FRYL: variants seen among roughly 807,000 people sequenced by gnomAD.
The protein encoded by FRYL is FRY like transcription coactivator.
FRYL carries 150 observed loss-of-function variants against 351.2 expected under a neutral mutation model. The ratio of observed to expected loss-of-function variants is 0.43; its 90% CI spans 0.37 to 0.49. FRYL has a LOEUF of 0.49. FRYL is among the 20% of genes least tolerant of loss of function. FRYL has a pLI of 0.00. For synonymous variants in FRYL, 1,153 were observed against 1,257.1 expected (o/e 0.92, Z 1.75); for missense variants, 3,036 against 3,619.3 (o/e 0.84, Z 4.13).
At position 48,547,773 on chromosome 4, in the gene FRYL, A is replaced by C; in HGVS notation, c.4889-4T>G. The C allele has an allele frequency of 2.7e-6, 4 of 1,464,424 alleles. No homozygotes were observed. In the African/African-American group the frequency reaches 5.6e-5, roughly 20 times the overall value. The allele number at this position is 1,464,424 out of a possible 1,614,324, so 90.7% of individuals were successfully genotyped here. ...TCAGGGTGGCAGTGGTCAAACCCTA[A>C]AAAGGATAGTAGAGAAACATTATCA... is the stretch of plus-strand genomic sequence containing the variant. On this transcript the variant is annotated splice_region_variant and splice_polypyrimidine_tract_variant and intron_variant, in intron 40 of 63. Coordinates refer to ENST00000358350, the MANE Select transcript of FRYL (RefSeq NM_015030.2).
chr4:48,738,507 T>C (rs1235872443), intron 1 of FRYL, among the ~76,000 whole-genome samples: 1 of 152,130 alleles, frequency 6.6e-6, no homozygotes, highest in Non-Finnish European at 1.5e-5. Flanking sequence ...GTTGTTGTTG[T>C]TGTTTCAAAG....
At chr4:48,538,558 C>T (rs1419300351) in intron 47 of FRYL, among the ~76,000 whole-genome samples, 1 of 152,072 alleles carries the variant, frequency 6.6e-6, no homozygotes, top group Admixed American at 6.6e-5. Context: ...CAATCTGGGC[C>T]ATGGAAAGGT....
intron 62 of FRYL, among the ~76,000 whole-genome samples, chr4:48,501,265 A>T (rs1220223221): frequency 1.3e-5 from 2 of 152,100 alleles, no homozygotes; most frequent in Non-Finnish European, 2.9e-5. Flanking sequence ...ATCACAGCTC[A>T]CTACAGCTTC....
At chr4:48,698,976 C>T (rs976697439) in intron 2 of FRYL, among the ~76,000 whole-genome samples, 1 of 152,050 alleles carries the variant, frequency 6.6e-6, no homozygotes, top group East Asian at 1.9e-4. Context: ...GACTAATTAC[C>T]GAGAGCCTAC....
intron 27 of FRYL, among the ~76,000 whole-genome samples, chr4:48,570,422 T>C (rs10805172): frequency 0.98 from 149,858 of 152,310 alleles, 73,759 homozygotes; most frequent in East Asian, 1. Context: ...ATTTGTAAGC[T>C]TTACAATGTT....
intron 1 of FRYL, among the ~76,000 whole-genome samples, chr4:48,718,916 C>T (rs772766571): frequency 2.0e-5 from 3 of 151,456 alleles, no homozygotes; most frequent in Admixed American, 6.6e-5. Flanking sequence ...TTTCCACTTA[C>T]ATTTGTGCTT....
At chr4:48,681,989 C>T (rs1218145827) in intron 3 of FRYL, among the ~76,000 whole-genome samples, 3 of 152,126 alleles carry the variant, frequency 2.0e-5, no homozygotes, top group Non-Finnish European at 4.4e-5. Flanking sequence ...ACTTTGAAAA[C>T]TGAAAGTTCT....
At chr4:48,680,995 A>G in intron 3 of FRYL, 1 of 1,280,928 alleles carries the variant, frequency 7.8e-7, no homozygotes, top group Non-Finnish European at 1.0e-6. Context: ...TTGCTCATCC[A>G]CCGTCTTCTC....
intron 1 of FRYL, among the ~76,000 whole-genome samples, chr4:48,769,445 A>C (rs1775298554): frequency 2.6e-5 from 4 of 152,262 alleles, no homozygotes; most frequent in Non-Finnish European, 5.9e-5. Flanking sequence ...GAGAGGATAT[A>C]GAGAAACTTT....
At chr4:48,691,629 A>G (rs1578737953) in intron 2 of FRYL, among the ~76,000 whole-genome samples, 2 of 152,200 alleles carry the variant, frequency 1.3e-5, no homozygotes, top group African/African-American at 4.8e-5. Context: ...CACAGTAAGT[A>G]CTCAATAATG....
chr4:48,626,945 G>C lies in FRYL; in HGVS notation c.121-3766C>G, dbSNP rs185038628. Among the ~76,000 whole-genome samples, 50 of 152,182 alleles carry C rather than the reference G, an allele frequency of 3.3e-4. No homozygotes were observed. In the East Asian group the frequency reaches 9.1e-3, roughly 28 times the overall value. On this transcript the variant is annotated intron_variant, in intron 4 of 63. Transcript: ENST00000358350. ...CTTTCTTAATAAGGTGAGATTTGGG[G>C]AACGTCTTTAGTACTCGGGTCTCTG...
intron 55 of FRYL, 83 bp from the exon 56 acceptor site, chr4:48,515,358 T>C (rs1416224796): frequency 9.8e-7 from 1 of 1,022,100 alleles, no homozygotes; most frequent in African/African-American, 1.6e-5. Flanking sequence ...TTGCCATCCA[T>C]CTAAGTCTGT....
chr4:48,676,519 C>T (rs1168037623), intron 3 of FRYL, among the ~76,000 whole-genome samples: 3 of 151,726 alleles, frequency 2.0e-5, no homozygotes, highest in African/African-American at 7.3e-5. Context: ...GTAGCTGGGA[C>T]TACAGGCTCC....
At chr4:48,525,637 A>G (rs1725969684) in intron 53 of FRYL, among the ~76,000 whole-genome samples, 1 of 152,212 alleles carries the variant, frequency 6.6e-6, no homozygotes, top group Admixed American at 6.5e-5. Flanking sequence ...GTATATGTAC[A>G]TGAGAGTTGA....
At chr4:48,665,443 A>C (rs373652258) in intron 3 of FRYL, among the ~76,000 whole-genome samples, 2 of 152,194 alleles carry the variant, frequency 1.3e-5, no homozygotes, top group Non-Finnish European at 2.9e-5. Context: ...ACTTGAAACA[A>C]CAGTTTTTGA....
intron 1 of FRYL, among the ~76,000 whole-genome samples, chr4:48,755,953 C>G (rs1773728918): frequency 6.6e-6 from 1 of 151,378 alleles, no homozygotes; most frequent in African/African-American, 2.4e-5. Flanking sequence ...AAAAAAGAGG[C>G]CAGGTTTGGT....
At chr4:48,651,330 T>G (rs1055412205) in intron 3 of FRYL, among the ~76,000 whole-genome samples, 2 of 137,850 alleles carry the variant, frequency 1.5e-5, no homozygotes, top group Non-Finnish European at 3.2e-5. Flanking sequence ...TGTGTGTGTG[T>G]GTGTGTGTGT....
At chr4:48,733,572 A>G (rs1770972453) in intron 1 of FRYL, among the ~76,000 whole-genome samples, 1 of 152,152 alleles carries the variant, frequency 6.6e-6, no homozygotes, top group African/African-American at 2.4e-5. Flanking sequence ...TCTTACTCCT[A>G]ATTAACTTAC....
At chr4:48,760,050 T>C (rs1294670786) in intron 1 of FRYL, among the ~76,000 whole-genome samples, 2 of 152,190 alleles carry the variant, frequency 1.3e-5, no homozygotes, top group Non-Finnish European at 2.9e-5. Flanking sequence ...ATTTTATATA[T>C]GTAGAATCTA....
Sources: allele counts gnomAD v4.1 joint callset (sites outside exome capture counted in the v4.1 genomes callset), GRCh38; gene constraint gnomAD v4.1.1; transcripts MANE v1.5; gene names NCBI Gene and HGNC (gene_info 2026-07-23, HGNC 2026-07-21).